The following GRIK4 variants were observed in gnomAD, a reference collection of about 807,000 sequenced individuals.
GRIK4 encodes the protein glutamate ionotropic receptor kainate type subunit 4.
In GRIK4, 40 loss-of-function variants were observed where a neutral mutation model predicts 104.9. The ratio of observed to expected loss-of-function variants is 0.38; its 90% CI spans 0.30 to 0.50. The LOEUF (loss-of-function observed/expected upper bound fraction) is 0.50. Ranked by LOEUF, GRIK4 falls within the 20% of genes least tolerant of loss-of-function variation. The pLI is 0.93. For synonymous variants in GRIK4, 485 were observed against 524.9 expected (o/e 0.92, Z 1.04); for missense variants, 1,047 against 1,308.1 (o/e 0.80, Z 3.08).
chr11:120,643,783 C>T (rs553143416), intron 1 of GRIK4, among the ~76,000 whole-genome samples: 2 of 152,294 alleles, frequency 1.3e-5, no homozygotes, highest in East Asian at 3.9e-4. Context: ...AAGCAGCTAA[C>T]TCAATGCATG....
Position 120,940,031 on chromosome 11 carries a change from C to T in GRIK4, c.1477-316C>T, listed in dbSNP as rs190794793. Among the ~76,000 whole-genome samples the T allele has an allele frequency of 1.3e-5, 2 of 152,090 alleles. No individual in the cohort carries two copies. Among genetic ancestry groups the T allele is most frequent in the African/African-American group, 4.8e-5 (2 of 41,474 alleles). On this transcript the variant is annotated intron_variant, in intron 13 of 20. Coordinates refer to ENST00000527524, the MANE Select transcript of GRIK4 (RefSeq NM_014619.5). The surrounding 1 kb of genome is among the most constrained non-coding windows in gnomAD (Gnocchi z 4.3). ...ATGCAGGAGCCCAATCTGCCAATTTCCTCCTCCCAAGCCCCTACCCTAGGA... is the reference window on the plus strand; with the variant it reads ...ATGCAGGAGCCCAATCTGCCAATTTTCTCCTCCCAAGCCCCTACCCTAGGA...
intron 1 of GRIK4, among the ~76,000 whole-genome samples, chr11:120,603,505 A>C (rs1591730110): frequency 6.6e-6 from 1 of 152,164 alleles, no homozygotes; most frequent in East Asian, 1.9e-4. Flanking sequence ...ATTTTCTTTC[A>C]GCCCTCCTTT....
intron 1 of GRIK4, among the ~76,000 whole-genome samples, chr11:120,534,303 A>C (rs1947950191): frequency 6.6e-6 from 1 of 152,116 alleles, no homozygotes; most frequent in South Asian, 2.1e-4. Context: ...ATTCAGTTCC[A>C]TTTTAGACTG....
rs370451611 is a variant in GRIK4, at chr11:120,952,998, G to A, written c.1700+34G>A. ...CTCTTCCCTTCCCTGTCCTTACACC[G>A]CCACCTCGTGTCCACCTCTGGGAAC... On this transcript the variant is annotated intron_variant, in intron 15 of 20. Coordinates refer to ENST00000527524, the MANE Select transcript of GRIK4 (RefSeq NM_014619.5). This position sits in a 1 kb window ranked among gnomAD's most constrained non-coding sequence, Gnocchi z 5.2. 74 of 1,339,116 alleles carry A rather than the reference G, an allele frequency of 5.5e-5. No homozygotes were observed. In the African/African-American group the frequency reaches 8.2e-4, roughly 15 times the overall value. The allele number at this position is 1,339,116 out of a possible 1,614,324, so 83.0% of individuals were successfully genotyped here.
At chr11:120,521,409 G>A (rs901827532) in intron 1 of GRIK4, among the ~76,000 whole-genome samples, 2 of 152,090 alleles carry the variant, frequency 1.3e-5, no homozygotes, top group Admixed American at 1.3e-4. Context: ...CATGCCCAAC[G>A]GCTTATTATG....
chr11:120,530,978 T>G (rs1404327687), intron 1 of GRIK4, among the ~76,000 whole-genome samples: 1 of 152,236 alleles, frequency 6.6e-6, no homozygotes, highest in African/African-American at 2.4e-5. Flanking sequence ...TCAAGTCATT[T>G]TACTTCTTTG....
intron 13 of GRIK4, among the ~76,000 whole-genome samples, chr11:120,926,696 C>T (rs1943352856): frequency 6.6e-6 from 1 of 152,310 alleles, no homozygotes; most frequent in Admixed American, 6.5e-5. Flanking sequence ...TCTATTCATT[C>T]ATTCAATCAT....
At chr11:120,970,815 G>T (rs995759160) in intron 19 of GRIK4, among the ~76,000 whole-genome samples, 1 of 152,074 alleles carries the variant, frequency 6.6e-6, no homozygotes, top group Non-Finnish European at 1.5e-5. Flanking sequence ...ACCCTCCTGC[G>T]TATGTGTTTG....
intron 3 of GRIK4, among the ~76,000 whole-genome samples, chr11:120,670,810 TC>T (rs774995742): frequency 1.0e-4 from 15 of 143,256 alleles, no homozygotes; most frequent in Non-Finnish European, 2.2e-4. Flanking sequence ...CACCCATCAA[TC>T]CGCCATCTAC....
chr11:120,744,249 G>A (rs547434836), intron 3 of GRIK4, among the ~76,000 whole-genome samples: 8 of 152,094 alleles, frequency 5.3e-5, no homozygotes, highest in Non-Finnish European at 1.0e-4. Context: ...AGACTCTGCC[G>A]CAAACAGCTG....
At chr11:120,727,083 T>G (rs1013382674) in intron 3 of GRIK4, among the ~76,000 whole-genome samples, 15 of 152,158 alleles carry the variant, frequency 9.9e-5, no homozygotes, top group African/African-American at 3.6e-4. Flanking sequence ...GCAACAGATT[T>G]GCACTGGAAA....
intron 3 of GRIK4, among the ~76,000 whole-genome samples, chr11:120,763,952 T>C (rs1441634901): frequency 1.3e-5 from 2 of 152,186 alleles, no homozygotes; most frequent in African/African-American, 4.8e-5. Flanking sequence ...TGTAGGTGGC[T>C]GTTAGGTTCG....
rs959890945 is a variant in GRIK4, at chr11:120,608,768, T to C, written c.-158-44917T>C. Among the ~76,000 whole-genome samples the C allele has an allele frequency of 2.0e-5, 3 of 152,250 alleles. No homozygotes were observed. In the East Asian group the frequency reaches 5.8e-4, roughly 29 times the overall value. On this transcript the variant is annotated intron_variant, in intron 1 of 20. Coordinates refer to ENST00000527524, the MANE Select transcript of GRIK4 (RefSeq NM_014619.5). The stretch of plus-strand genomic sequence containing the variant: ...CTGACCCTGCTACCTCCTGCCCTGC[T>C]CCTCTGCCCCCAGCCCCACCCTTCT...
intron 9 of GRIK4, chr11:120,870,604 G>A (rs1471364805): frequency 6.6e-6 from 1 of 152,234 alleles, no homozygotes; most frequent in Non-Finnish European, 1.5e-5. Flanking sequence ...ACAGTGCTGT[G>A]GAGAGGGGAG....
At chr11:120,866,201 C>T (rs1258434732) in intron 9 of GRIK4, among the ~76,000 whole-genome samples, 2 of 152,142 alleles carry the variant, frequency 1.3e-5, no homozygotes, top group Admixed American at 6.5e-5. Context: ...AGATCAAAGC[C>T]GCTGTTATCC....
In GRIK4 at chr11:120,900,878, G is replaced by A. The variant is rs144379141; in HGVS notation, c.1272+2239G>A. 8.6e-3 allele frequency among the ~76,000 whole-genome samples: 1,306 copies of A among 152,286 alleles called. 20 individuals are homozygous for A. The highest frequency in any genetic ancestry group is 0.029 in the African/African-American group (1,208 of 41,534). On this transcript the variant is annotated intron_variant, in intron 12 of 20. Transcript: ENST00000527524. ...AAGATGAGAGGGTTGCGGTGTCGCT[G>A]TCCAGCAGAGAGCTGGGAACAGCCT...
intron 3 of GRIK4, among the ~76,000 whole-genome samples, chr11:120,668,775 C>T (rs1949965895): frequency 6.6e-6 from 1 of 152,230 alleles, no homozygotes; most frequent in Non-Finnish European, 1.5e-5. Flanking sequence ...GGATATGAAT[C>T]TGAGCTCCAC....
In GRIK4 at chr11:120,599,203, G is replaced by A. The variant is rs75064325; in HGVS notation, c.-158-54482G>A. 3.8e-4 allele frequency among the ~76,000 whole-genome samples: 58 copies of A among 152,332 alleles called. No individual in the cohort carries two copies. In the East Asian group the frequency reaches 9.2e-3, roughly 24 times the overall value. On this transcript the variant is annotated intron_variant, in intron 1 of 20. Transcript: ENST00000527524. ...GCGTGTGTTGCTGTTTTTTAAACAC[G>A]CAGAGAATGTGAAAACACAACTTCC...
intron 1 of GRIK4, among the ~76,000 whole-genome samples, chr11:120,599,909 A>C (rs1948859953): frequency 6.6e-6 from 1 of 152,250 alleles, no homozygotes; most frequent in Non-Finnish European, 1.5e-5. Flanking sequence ...AAGGTGAAAG[A>C]AAGGCTTTTG....
Sources: gnomAD v4.1 joint callset for allele counts (sites outside exome capture counted in the v4.1 genomes callset) on GRCh38, gnomAD v4.1.1 for gene constraint, Gnocchi (gnomAD v3.1) non-coding constraint, MANE v1.5 for transcripts, NCBI Gene and HGNC (gene_info 2026-07-23, HGNC 2026-07-21) for gene names.